PTPRM: variants seen among roughly 807,000 people sequenced by gnomAD.
The protein encoded by PTPRM is receptor-type tyrosine-protein phosphatase mu.
Under a neutral mutation model 186.7 loss-of-function variants are expected in PTPRM, and 47 were observed. The ratio of observed to expected loss-of-function variants is 0.25; its 90% confidence interval spans 0.20 to 0.32. PTPRM has a LOEUF of 0.32. Ranked by LOEUF, PTPRM falls within the 10% of genes least tolerant of loss-of-function variation. The probability of loss-of-function intolerance (pLI) is 1.00; values close to 1 mark genes in which losing one functional copy is unlikely to be tolerated. For missense variants in PTPRM, 1,494 were observed against 1,865.0 expected (o/e 0.80, Z 3.66); for synonymous variants, 668 against 674.9 (o/e 0.99, Z 0.16).
intron 1 of PTPRM, among the ~76,000 whole-genome samples, chr18:7,742,861 A>G (rs1378016789): frequency 6.6e-5 from 10 of 152,210 alleles, no homozygotes; most frequent in African/African-American, 1.4e-4. Context: ...AAAATTGTCA[A>G]TCATTTCTCT....
chr18:7,617,850 C>T (rs1013924753), intron 1 of PTPRM, among the ~76,000 whole-genome samples: 4 of 152,114 alleles, frequency 2.6e-5, no homozygotes, highest in Admixed American at 6.5e-5. Flanking sequence ...GAGAGCATTT[C>T]TGGTTTCAAT....
At chr18:7,619,077 A>G (rs544877206) in intron 1 of PTPRM, among the ~76,000 whole-genome samples, 1 of 152,322 alleles carries the variant, frequency 6.6e-6, no homozygotes, top group East Asian at 1.9e-4. Context: ...TGGCAGGCTT[A>G]AGCAATGGGG....
intron 2 of PTPRM, among the ~76,000 whole-genome samples, chr18:7,827,849 C>T (rs912534336): frequency 1.3e-5 from 2 of 152,144 alleles, no homozygotes; most frequent in South Asian, 2.1e-4. Flanking sequence ...CAACTGTGGG[C>T]GTGATTAATT....
intron 31 of PTPRM, 110 bp downstream of exon 31, chr18:8,387,345 G>A (rs913295834): frequency 1.7e-6 from 2 of 1,183,698 alleles, no homozygotes; most frequent in Non-Finnish European, 2.4e-6. Context: ...AAATAAGTAG[G>A]TCTAGGTGAA....
intron 2 of PTPRM, among the ~76,000 whole-genome samples, chr18:7,781,664 AAC>A (rs1339576578): frequency 1.3e-5 from 2 of 152,146 alleles, no homozygotes; most frequent in African/African-American, 4.8e-5. Flanking sequence ...GTGTCCATCT[AAC>A]AGTGTTTTTT....
intron 20 of PTPRM, among the ~76,000 whole-genome samples, chr18:8,311,533 T>C (rs958082626): frequency 6.6e-6 from 1 of 152,160 alleles, no homozygotes; most frequent in Non-Finnish European, 1.5e-5. Flanking sequence ...GGAAAGGTAC[T>C]CTTAGGGATG....
chr18:7,972,513 GA>G (rs11463155), intron 7 of PTPRM, among the ~76,000 whole-genome samples: 2,907 of 65,840 alleles, frequency 0.044, 139 homozygotes, highest in African/African-American at 0.15. Flanking sequence ...ACATGGAATA[GA>G]AAAAAAAAAA....
chr18:8,330,683 C>T (rs1024669895), intron 22 of PTPRM, among the ~76,000 whole-genome samples: 38 of 150,438 alleles, frequency 2.5e-4, no homozygotes, highest in African/African-American at 2.9e-4. Context: ...CCTTGATTGC[C>T]GTCTCTCTGT....
intron 7 of PTPRM, among the ~76,000 whole-genome samples, chr18:8,004,899 A>C (rs2084085721): frequency 6.6e-6 from 1 of 151,862 alleles, no homozygotes; most frequent in South Asian, 2.1e-4. Context: ...TTTGTTGCTA[A>C]CTCTTTTCCC....
At chr18:7,752,942 G>C (rs188272693) in intron 1 of PTPRM, among the ~76,000 whole-genome samples, 2 of 152,068 alleles carry the variant, frequency 1.3e-5, no homozygotes. Context: ...TATTCTTTCT[G>C]TCTAACCCCT....
chr18:8,259,057 C>G (rs1028099817), intron 19 of PTPRM, among the ~76,000 whole-genome samples: 6 of 152,106 alleles, frequency 3.9e-5, no homozygotes, highest in African/African-American at 1.2e-4. Flanking sequence ...TAAAGCGATA[C>G]TCAAGCCTCA....
chr18:8,108,912 T>C (rs73941031), intron 11 of PTPRM, among the ~76,000 whole-genome samples: 2,790 of 152,278 alleles, frequency 0.018, 86 homozygotes, highest in African/African-American at 0.063. Flanking sequence ...GGTGCAACTT[T>C]AATAAACAAA....
chr18:8,069,887 C>T lies in PTPRM; in HGVS notation c.1334C>T (p.Thr445Met), dbSNP rs368575974. 6.1e-5 allele frequency: 98 copies of T among 1,613,506 alleles called. No individual in the cohort carries two copies. The highest frequency in any genetic ancestry group is 1.6e-4 in the Middle Eastern group (1 of 6,084). The change falls in exon 8 of 33, where the codon ACG (threonine) becomes ATG (methionine). Residue 445 changes from threonine to methionine, a missense_variant. Thr to Met is a moderately conservative substitution (Grantham distance 81). Transcript: ENST00000580170. ...ACAGAAAACTCACACCCTCAACACA[C>T]GATCACTAACCTGTCACCATACACC... ...WDTENSHPQH[T>M]ITNLSPYTNV... is the part of the protein sequence containing the mutation.
chr18:8,230,925 A>G (rs769069273), intron 14 of PTPRM, among the ~76,000 whole-genome samples: 3 of 152,234 alleles, frequency 2.0e-5, no homozygotes, highest in Non-Finnish European at 4.4e-5. Context: ...AACCAATAAT[A>G]ATTTCATCCC....
chr18:8,017,543 A>T (rs1039219997), intron 7 of PTPRM, among the ~76,000 whole-genome samples: 2 of 136,328 alleles, frequency 1.5e-5, no homozygotes, highest in African/African-American at 5.6e-5. Flanking sequence ...AGATCGTGCA[A>T]CTGCACTCCA....
intron 5 of PTPRM, 91 bp from the exon 6 acceptor site, chr18:7,949,090 C>A: frequency 7.9e-7 from 1 of 1,267,070 alleles, no homozygotes; most frequent in Non-Finnish European, 1.1e-6. Context: ...TGCATGAAAA[C>A]AGCATGGATA....
intron 14 of PTPRM, among the ~76,000 whole-genome samples, chr18:8,237,780 G>T (rs2094363675): frequency 6.6e-6 from 1 of 151,994 alleles, no homozygotes; most frequent in Non-Finnish European, 1.5e-5. Flanking sequence ...GAAAGTCTTT[G>T]TTTTTCCTTC....
intron 6 of PTPRM, among the ~76,000 whole-genome samples, chr18:7,950,726 C>A (rs902527280): frequency 1.3e-5 from 2 of 152,168 alleles, no homozygotes; most frequent in African/African-American, 4.8e-5. Flanking sequence ...CAGGGATAAA[C>A]TTCTCTCTGG....
At chr18:7,930,433 CAA>C (rs1029436020) in intron 5 of PTPRM, among the ~76,000 whole-genome samples, 4 of 152,144 alleles carry the variant, frequency 2.6e-5, no homozygotes, top group Admixed American at 2.6e-4. Flanking sequence ...GTATTCTGCA[CAA>C]AGTTTCATGG....
Sources: gnomAD v4.1 joint callset for allele counts (sites outside exome capture counted in the v4.1 genomes callset) on GRCh38, gnomAD v4.1.1 for gene constraint, MANE v1.5 for transcripts, NCBI Gene and HGNC (gene_info 2026-07-23, HGNC 2026-07-21) for gene names.